RAI14: variants seen among roughly 807,000 people sequenced by gnomAD.
The protein encoded by RAI14 is ankycorbin.
Under a neutral mutation model 115.4 loss-of-function variants are expected in RAI14, and 45 were observed. That is an observed-to-expected ratio of 0.39 (90% CI 0.31 to 0.50). RAI14 has a LOEUF of 0.50. Among genes scored for constraint, RAI14 ranks in the 20% least tolerant of loss-of-function variants. RAI14 has a pLI of 0.85. For synonymous variants in RAI14, 371 were observed against 415.4 expected, an observed-to-expected ratio of 0.89 and a Z score of 1.30; for missense variants, 939 against 1,131.2, an observed-to-expected ratio of 0.83 and a Z score of 2.44.
chr5:34,682,157 C>T (rs1022119621), intron 1 of RAI14, among the ~76,000 whole-genome samples: 2 of 151,920 alleles, frequency 1.3e-5, no homozygotes, highest in African/African-American at 4.8e-5. Context: ...ACCTGGCTAA[C>T]CTGGAATTTT....
At chr5:34,698,427 C>T (rs1231666725) in intron 2 of RAI14, among the ~76,000 whole-genome samples, 3 of 151,826 alleles carry the variant, frequency 2.0e-5, no homozygotes, top group Non-Finnish European at 4.4e-5. Context: ...TGAATGGTCT[C>T]AAAACGTCCC....
chr5:34,811,143 A>C, intron 8 of RAI14, 25 bp downstream of exon 8: 1 of 1,609,128 alleles, frequency 6.2e-7, no homozygotes, highest in Non-Finnish European at 8.5e-7. Flanking sequence ...GGCAGAAATC[A>C]TGTGACTTCA....
intron 2 of RAI14, chr5:34,728,599 GTGCCTTTGCTCTTCCTTTGTCTTC>G (rs1305334983): frequency 3.2e-4 from 48 of 152,260 alleles, no homozygotes; most frequent in African/African-American, 1.1e-3. Flanking sequence ...CATGTGAGAT[GTGCCTTTGCTCTTCCTTTGTCTTC>G]TGCCATGATT....
At chr5:34,795,021 A>G (rs1293927623) in intron 3 of RAI14, among the ~76,000 whole-genome samples, 2 of 152,262 alleles carry the variant, frequency 1.3e-5, no homozygotes, top group Non-Finnish European at 1.5e-5. Flanking sequence ...ACCTCTCTAT[A>G]GGATGGCAAC....
chr5:34,779,596 C>T (rs1013739522), intron 3 of RAI14, among the ~76,000 whole-genome samples: 22 of 152,126 alleles, frequency 1.4e-4, no homozygotes, highest in African/African-American at 4.8e-4. Context: ...GAGAGCCAAA[C>T]CATGAGTGAA....
chr5:34,681,896 C>G (rs1379279462), intron 1 of RAI14, among the ~76,000 whole-genome samples: 6 of 130,424 alleles, frequency 4.6e-5, no homozygotes, highest in Admixed American at 4.3e-4. Context: ...GCTCTTGTTG[C>G]CCAGGCTGGA....
At chr5:34,659,097 A>G (rs1386703708) in intron 1 of RAI14, 1 of 152,362 alleles carries the variant, frequency 6.6e-6, no homozygotes, top group East Asian at 1.9e-4. Context: ...AACATTTTAC[A>G]TAAATGGCAT....
chr5:34,805,360 T>TC (rs1754745403), intron 5 of RAI14, among the ~76,000 whole-genome samples: 1 of 152,150 alleles, frequency 6.6e-6, no homozygotes, highest in South Asian at 2.1e-4. Flanking sequence ...TGTGCTGTGA[T>TC]CCCCATTACC....
chr5:34,785,171 G>T (rs571473897), intron 3 of RAI14, among the ~76,000 whole-genome samples: 3 of 152,014 alleles, frequency 2.0e-5, no homozygotes, highest in African/African-American at 7.3e-5. Flanking sequence ...TTTACTTAGC[G>T]GCCACTGTTC....
intron 2 of RAI14, among the ~76,000 whole-genome samples, chr5:34,751,675 T>A (rs1747043210): frequency 6.6e-6 from 1 of 152,228 alleles, no homozygotes; most frequent in South Asian, 2.1e-4. Flanking sequence ...ATCCGTCGTT[T>A]GTTATTGGAA....
chr5:34,821,955 T>C (rs1046541550), intron 14 of RAI14, 105 bp downstream of exon 14: 3 of 588,042 alleles, frequency 5.1e-6, no homozygotes, highest in South Asian at 2.5e-5. Flanking sequence ...AGTTTCTTTT[T>C]AAATATTAGC....
At position 34,701,814 on chromosome 5, in the gene RAI14, C is replaced by CT. The variant is rs112745892; in HGVS notation, c.36+14873dup. 2.0e-3 allele frequency among the ~76,000 whole-genome samples: 287 copies of CT among 144,144 alleles called. 3 individuals carry two copies. Among genetic ancestry groups the CT allele is most frequent in the East Asian group, 4.8e-3 (24 of 4,968 alleles). 94.6% of individuals were successfully genotyped at this position (144,144 alleles called of 152,430 possible). On this transcript the variant is annotated intron_variant, in intron 2 of 17. Transcript: ENST00000265109. Reference sequence around the variant, plus strand: ...AACATTTTACAGAATTTGACTCTCCCTTTTTTTTTTTTTTGAGACAGAGTT... The same window carrying CT: ...AACATTTTACAGAATTTGACTCTCCCTTTTTTTTTTTTTTTGAGACAGAGTT...
chr5:34,764,119 G>A (rs944084147), intron 3 of RAI14, among the ~76,000 whole-genome samples: 1 of 152,170 alleles, frequency 6.6e-6, no homozygotes. Context: ...CCAAAGTGCT[G>A]GGATTACAGG....
chr5:34,666,242 G>A (rs1305751031), intron 1 of RAI14, among the ~76,000 whole-genome samples: 1 of 151,816 alleles, frequency 6.6e-6, no homozygotes, highest in African/African-American at 2.4e-5. Flanking sequence ...TAGGCTCACA[G>A]TAGGTGTCCC....
At chr5:34,695,308 C>T (rs763086112) in intron 2 of RAI14, among the ~76,000 whole-genome samples, 21 of 152,198 alleles carry the variant, frequency 1.4e-4, no homozygotes, top group Non-Finnish European at 2.8e-4. Context: ...TAACAAAATA[C>T]CCTATACAGT....
chr5:34,804,584 A>G (rs534120043), intron 5 of RAI14, among the ~76,000 whole-genome samples: 3 of 152,356 alleles, frequency 2.0e-5, no homozygotes, highest in South Asian at 4.1e-4. Flanking sequence ...TAATGCAGAA[A>G]TGTGATCACA....
At position 34,677,398 on chromosome 5, in the gene RAI14, G is replaced by A. The variant is rs955736544; in HGVS notation, c.-48-9474G>A. 5.9e-5 allele frequency among the ~76,000 whole-genome samples: 9 copies of A among 151,948 alleles called. 1 individual carries two copies. The South Asian group carries it at 6.2e-4, about 11-fold the overall frequency. On this transcript the variant is annotated intron_variant, in intron 1 of 17. Transcript: ENST00000265109. ...AGGCTGGTCTTGAACTTCTGCACCC[G>A]CCTTGCCCTTCCAAAGTTCTGGGAT...
rs76041751 is a variant in RAI14 at position 34,704,964 on chromosome 5, A to C, written c.36+18009A>C. Among the ~76,000 whole-genome samples, 281 of 152,042 alleles carry C rather than the reference A, an allele frequency of 1.8e-3. 5 individuals carry two copies. In the East Asian group the frequency reaches 0.049, roughly 27 times the overall value. On this transcript the variant is annotated intron_variant, in intron 2 of 17. Transcript: ENST00000265109. ...CTACTAAGGAACTGAATTTTTCTTT[A>C]TTTCTTTCTTTTAGAGACAGGGTCT... is the stretch of plus-strand genomic sequence containing the variant.
intron 2 of RAI14, among the ~76,000 whole-genome samples, chr5:34,749,451 A>G (rs1030548463): frequency 7.9e-5 from 12 of 152,226 alleles, no homozygotes; most frequent in Non-Finnish European, 1.3e-4. Flanking sequence ...TCAGGTCCCA[A>G]TGATTAAACC....
Sources: gnomAD v4.1 joint callset for allele counts (sites outside exome capture counted in the v4.1 genomes callset) on GRCh38, gnomAD v4.1.1 for gene constraint, MANE v1.5 for transcripts, NCBI Gene and HGNC (gene_info 2026-07-23, HGNC 2026-07-21) for gene names.